EPB41L4B: variants seen among roughly 807,000 people sequenced by gnomAD.
EPB41L4B encodes erythrocyte membrane protein band 4.1 like 4B.
In EPB41L4B, 30 loss-of-function variants were observed where a neutral mutation model predicts 112.5. The observed-to-expected ratio is 0.27, with a 90% confidence interval of 0.20 to 0.36. The LOEUF is 0.36. Ranked by LOEUF, EPB41L4B falls within the 10% of genes least tolerant of loss-of-function variation. The pLI, the probability that EPB41L4B is intolerant of heterozygous loss-of-function variation, is 1.00. For missense variants in EPB41L4B, 1,024 were observed against 1,133.3 expected (o/e 0.90, Z 1.38); for synonymous variants, 408 against 439.7 (o/e 0.93, Z 0.90).
intron 1 of EPB41L4B, among the ~76,000 whole-genome samples, chr9:109,293,598 G>A (rs1473248008): frequency 6.7e-6 from 1 of 150,246 alleles, no homozygotes; most frequent in Non-Finnish European, 1.5e-5. Context: ...CAGCCAGGCT[G>A]GTCTCCAACT....
At chr9:109,181,192 G>A (rs1832038986) in intron 24 of EPB41L4B, among the ~76,000 whole-genome samples, 1 of 151,770 alleles carries the variant, frequency 6.6e-6, no homozygotes, top group Admixed American at 6.6e-5. Flanking sequence ...TGTAGGGACA[G>A]GGTCTCTCTA....
chr9:109,176,540 A>G lies in EPB41L4B; in HGVS notation c.2633+11T>C, dbSNP rs1831844605. 1.2e-6 allele frequency: 2 copies of G among 1,601,522 alleles called. No homozygotes were observed. Among genetic ancestry groups the G allele is most frequent in the East Asian group, 4.5e-5 (2 of 44,696 alleles). On this transcript the variant is annotated intron_variant, in intron 25 of 25. Coordinates refer to ENST00000374566, the MANE Select transcript of EPB41L4B (RefSeq NM_019114.5). ...CAGAATTACCTGTCGGAACCTGCTGACCTGACCTACCTGGCTGCCAGAGAA... is the reference window on the plus strand; with the variant it reads ...CAGAATTACCTGTCGGAACCTGCTGGCCTGACCTACCTGGCTGCCAGAGAA...
At chr9:109,276,023 A>T (rs556941791) in intron 2 of EPB41L4B, among the ~76,000 whole-genome samples, 73 of 146,454 alleles carry the variant, frequency 5.0e-4, no homozygotes, top group African/African-American at 1.7e-3. Flanking sequence ...TAGGATCTAA[A>T]TTTAAAGTTT....
At chr9:109,210,148 T>C (rs1237301237) in intron 17 of EPB41L4B, among the ~76,000 whole-genome samples, 2 of 152,178 alleles carry the variant, frequency 1.3e-5, no homozygotes, top group Admixed American at 6.5e-5. Flanking sequence ...CAATCGTTCC[T>C]GAGCCATCAA....
intron 1 of EPB41L4B, among the ~76,000 whole-genome samples, chr9:109,280,635 G>A (rs902760591): frequency 6.6e-6 from 1 of 152,118 alleles, no homozygotes; most frequent in Non-Finnish European, 1.5e-5. Context: ...TGGGAAAACT[G>A]AGAGAGAGTC....
chr9:109,261,311 G>A (rs1156675820), intron 6 of EPB41L4B, among the ~76,000 whole-genome samples: 1 of 151,998 alleles, frequency 6.6e-6, no homozygotes, highest in African/African-American at 2.4e-5. Context: ...TCTTGGCGGG[G>A]GTGGGGTGAG....
chr9:109,192,229 G>A (rs1477389096), intron 22 of EPB41L4B, 49 bp downstream of exon 22: 18 of 1,473,330 alleles, frequency 1.2e-5, no homozygotes, highest in Non-Finnish European at 1.6e-5. Context: ...CTGCCAAGAT[G>A]TTTCTATGGT....
intron 24 of EPB41L4B, among the ~76,000 whole-genome samples, chr9:109,180,357 C>T (rs561287108): frequency 6.6e-6 from 1 of 152,314 alleles, no homozygotes; most frequent in Admixed American, 6.5e-5. Flanking sequence ...GGGCAGAAGG[C>T]CAGAGTGCCC....
chr9:109,262,939 T>C, intron 6 of EPB41L4B, 111 bp downstream of exon 6: 2 of 739,746 alleles, frequency 2.7e-6, no homozygotes, highest in South Asian at 3.8e-5. Context: ...CGTGTCATAT[T>C]CATTTATATC....
At chr9:109,223,784 C>T (rs199931740) in intron 15 of EPB41L4B, among the ~76,000 whole-genome samples, 2 of 152,082 alleles carry the variant, frequency 1.3e-5, no homozygotes, top group Non-Finnish European at 2.9e-5. Context: ...TTTGGGAGGC[C>T]GAGGCAGGTG....
At chr9:109,275,303 T>C (rs1024327873) in intron 2 of EPB41L4B, among the ~76,000 whole-genome samples, 3 of 152,158 alleles carry the variant, frequency 2.0e-5, no homozygotes, top group East Asian at 1.9e-4. Flanking sequence ...GGGAACACCA[T>C]TGCTTGAAGG....
At chr9:109,202,688 G>C (rs969683058) in intron 19 of EPB41L4B, among the ~76,000 whole-genome samples, 5 of 152,166 alleles carry the variant, frequency 3.3e-5, no homozygotes, top group African/African-American at 1.2e-4. Context: ...GGTGGTGGTG[G>C]CCTGGAAGCT....
chr9:109,208,819 A>AT (rs1833065655), intron 17 of EPB41L4B, among the ~76,000 whole-genome samples: 1 of 152,178 alleles, frequency 6.6e-6, no homozygotes. Flanking sequence ...TACACACTAC[A>AT]TTTTGGGAAA....
At chr9:109,285,473 T>C (rs1406127350) in intron 1 of EPB41L4B, among the ~76,000 whole-genome samples, 1 of 152,160 alleles carries the variant, frequency 6.6e-6, no homozygotes, top group Non-Finnish European at 1.5e-5. Context: ...TTTTTAAATA[T>C]ATCTGTAACT....
chr9:109,256,620 C>T, intron 7 of EPB41L4B, 140 bp from the exon 8 acceptor site: 1 of 689,808 alleles, frequency 1.4e-6, no homozygotes, highest in South Asian at 1.8e-5. Context: ...AAAAAGATTC[C>T]CAAGACCTTA....
At chr9:109,223,412 G>C (rs914884786) in intron 15 of EPB41L4B, among the ~76,000 whole-genome samples, 49 of 149,854 alleles carry the variant, frequency 3.3e-4, no homozygotes, top group Middle Eastern at 3.4e-3. Context: ...CTCCAGCTTA[G>C]GCAAGGAGCA....
chr9:109,258,098 G>T, intron 7 of EPB41L4B, 79 bp downstream of exon 7: 15 of 1,470,524 alleles, frequency 1.0e-5, no homozygotes, highest in African/African-American at 1.4e-5. Context: ...CAATTCTACT[G>T]GTAGATAAAG....
Position 109,253,627 on chromosome 9 carries a change from T to C in EPB41L4B, c.1170-77A>G, listed in dbSNP as rs1377635532. ...TTACCTGTTTTTGAAAGTGCACTTTTATTTCCAAGAGCTCCAACGTACGTT... is the reference window on the plus strand; with the variant it reads ...TTACCTGTTTTTGAAAGTGCACTTTCATTTCCAAGAGCTCCAACGTACGTT... On this transcript the variant is annotated intron_variant, in intron 11 of 25. Coordinates refer to ENST00000374566, the MANE Select transcript of EPB41L4B (RefSeq NM_019114.5). The C allele has an allele frequency of 4.3e-6, 4 of 934,134 alleles. No homozygotes were observed. The African/African-American group carries it at 4.9e-5, about 11-fold the overall frequency. The allele number at this position is 934,134 out of a possible 1,614,324, so 57.9% of individuals were successfully genotyped here.
chr9:109,174,280 T>C lies in EPB41L4B; in HGVS notation c.*274A>G, dbSNP rs1434313716. ...GTTATTAACAGATACACACAGGTAC[T>C]TCTGAAAAGGAATCCCGTTTTCCCA... On this transcript the variant is annotated 3_prime_UTR_variant, in exon 26 of 26. Coordinates refer to ENST00000374566, the MANE Select transcript of EPB41L4B (RefSeq NM_019114.5). 1 of 366,352 alleles carries C rather than the reference T, an allele frequency of 2.7e-6. No homozygotes were observed. The highest frequency in any genetic ancestry group is 2.0e-5 in the African/African-American group (1 of 49,620). The allele number at this position is 366,352 out of a possible 1,614,324, so 22.7% of individuals were successfully genotyped here.
Sources: gnomAD v4.1 joint callset for allele counts (sites outside exome capture counted in the v4.1 genomes callset) on GRCh38, gnomAD v4.1.1 for gene constraint, MANE v1.5 for transcripts, NCBI Gene and HGNC (gene_info 2026-07-23, HGNC 2026-07-21) for gene names.